Variants in RASSF5 observed in about 807,000 individuals in gnomAD.
RASSF5 encodes the protein ras association domain-containing protein 5.
RASSF5 carries 25 observed loss-of-function variants against 40.5 expected under a neutral mutation model. The observed-to-expected ratio is 0.62, with a 90% CI of 0.45 to 0.86. The LOEUF is 0.86. Ranked by LOEUF, RASSF5 falls within the 40% of genes least tolerant of loss-of-function variation. The pLI, the probability that RASSF5 is intolerant of heterozygous loss-of-function variation, is 0.00. For synonymous variants in RASSF5, 246 were observed against 252.4 expected (o/e 0.97, Z 0.24); for missense variants, 521 against 572.8 (o/e 0.91, Z 0.92).
chr1:206,514,291 G>A (rs1408472935), intron 1 of RASSF5, among the ~76,000 whole-genome samples: 1 of 152,246 alleles, frequency 6.6e-6, no homozygotes, highest in Non-Finnish European at 1.5e-5. Context: ...AATTGTAGCA[G>A]GTTCTAGATT....
At chr1:206,537,296 G>A (rs368844481) in intron 1 of RASSF5, among the ~76,000 whole-genome samples, 1 of 152,178 alleles carries the variant, frequency 6.6e-6, no homozygotes, top group African/African-American at 2.4e-5. Context: ...GATGGAATGT[G>A]CTTCCCCCGC....
intron 1 of RASSF5, among the ~76,000 whole-genome samples, chr1:206,516,949 G>T (rs140817177): frequency 6.6e-6 from 1 of 152,070 alleles, no homozygotes; most frequent in South Asian, 2.1e-4. Context: ...GTCATTTCAG[G>T]ACCCGGACTT....
chr1:206,541,163 G>A (rs562898829), intron 2 of RASSF5, among the ~76,000 whole-genome samples: 10 of 152,326 alleles, frequency 6.6e-5, no homozygotes, highest in African/African-American at 2.4e-4. Flanking sequence ...CCAAAATGCT[G>A]GGATTACAGG....
chr1:206,508,664 C>T (rs1284660946), intron 1 of RASSF5, among the ~76,000 whole-genome samples: 3 of 152,052 alleles, frequency 2.0e-5, no homozygotes, highest in Non-Finnish European at 4.4e-5. Context: ...CCCCCTCCTG[C>T]CTTTCACCTC....
chr1:206,585,276 A>T lies in RASSF5; in HGVS notation c.1085A>T (p.Asn362Ile). The change falls in exon 5 of 6, where the codon AAT (asparagine) becomes ATT (isoleucine). Residue 362 changes from asparagine to isoleucine, a missense_variant. Transcript: ENST00000579436. ...TEVLSFVLKE[N>I]ETGEVEWDAF... The stretch of plus-strand genomic sequence containing the variant: ...GTCCTCAGCTTTGTGCTAAAGGAGA[A>T]TGAAACTGGAGAGGTAGAGGTAGGT... The T allele has an allele frequency of 6.2e-7, 1 of 1,614,104 alleles. No individual in the cohort carries two copies. The highest frequency in any genetic ancestry group is 8.5e-7 in the Non-Finnish European group (1 of 1,179,928).
At chr1:206,529,222 CA>C in intron 1 of RASSF5, 1 of 1,388,384 alleles carries the variant, frequency 7.2e-7, no homozygotes, top group Non-Finnish European at 9.9e-7. Context: ...AGACCAGAAA[CA>C]AAGCAAGAGA....
intron 1 of RASSF5, chr1:206,528,929 G>C: frequency 1.7e-6 from 1 of 604,248 alleles, no homozygotes; most frequent in Non-Finnish European, 2.9e-6. Flanking sequence ...TGAAAGGAAA[G>C]AAGGCCAAGG....
rs1666508722 is a variant in RASSF5, at chr1:206,508,006, G to A, written c.404G>A (p.Gly135Asp). 6.7e-7 allele frequency: 1 copy of A among 1,502,042 alleles called. No homozygotes were observed. The allele number at this position is 1,502,042 out of a possible 1,614,324, so 93.0% of individuals were successfully genotyped here. A position where few individuals can be genotyped will look rare whatever the true frequency, so the allele number is the denominator to read the frequency against. The change falls in exon 1 of 6, where the codon GGC (glycine) becomes GAC (aspartate). Residue 135 changes from glycine to aspartate, a missense_variant. Around this residue, in one of 2 missense-constraint regions of RASSF5, gnomAD observed 284 missense variants for 360.8 expected, o/e 0.79. Transcript: ENST00000579436. ...FAELVLPGGP[G>D]WCDLCGREVL... ...GAGTTGGTGCTGCCGGGCGGCCCCG[G>A]CTGGTGTGACCTGTGCGGACGAGAG...
At chr1:206,526,136 C>G (rs7546609) in intron 1 of RASSF5, among the ~76,000 whole-genome samples, 3,981 of 152,300 alleles carry the variant, frequency 0.026, 172 homozygotes, top group African/African-American at 0.091. Flanking sequence ...ACAGAGACGA[C>G]AGCCCCTGTG....
intron 1 of RASSF5, among the ~76,000 whole-genome samples, chr1:206,525,648 TG>T (rs1468085038): frequency 6.6e-6 from 1 of 152,224 alleles, no homozygotes; most frequent in African/African-American, 2.4e-5. Flanking sequence ...TTAATTGTTT[TG>T]TTATGTTGCC....
rs1162174771 is a variant in RASSF5 at position 206,573,497 on chromosome 1, C to T, written c.580-9772C>T. On this transcript the variant is annotated intron_variant, in intron 2 of 5. Transcript: ENST00000579436. ...AGGCACGGGTGCTTCTCTCACGGAA[C>T]TCAGTATAAATGGAAATCCAAGGCT... Among the ~76,000 whole-genome samples, 5 of 152,208 alleles carry T rather than the reference C, an allele frequency of 3.3e-5. No homozygotes were observed. In the East Asian group the frequency reaches 9.6e-4, roughly 29 times the overall value.
At chr1:206,533,829 G>A (rs1459862731) in intron 1 of RASSF5, among the ~76,000 whole-genome samples, 1 of 152,094 alleles carries the variant, frequency 6.6e-6, no homozygotes, top group Non-Finnish European at 1.5e-5. Context: ...GTAGTTGCAG[G>A]TGTCATTAAG....
At chr1:206,586,688 G>C (rs923691645) in intron 5 of RASSF5, 138 bp from the exon 6 acceptor site, 1 of 712,314 alleles carries the variant, frequency 1.4e-6, no homozygotes, top group East Asian at 2.5e-5. Context: ...CGCTGATTCA[G>C]TCTGTTCAGT....
intron 1 of RASSF5, among the ~76,000 whole-genome samples, chr1:206,521,006 A>T (rs1395127774): frequency 1.3e-5 from 2 of 152,212 alleles, no homozygotes; most frequent in Non-Finnish European, 2.9e-5. Context: ...AGGTAAAAGT[A>T]GAGGAGAGAC....
intron 2 of RASSF5, among the ~76,000 whole-genome samples, chr1:206,565,488 CTT>C (rs1330290159): frequency 1.3e-5 from 2 of 152,206 alleles, no homozygotes; most frequent in African/African-American, 2.4e-5. Flanking sequence ...GTGTTTTTAA[CTT>C]TCCTATAGCA....
Position 206,584,843 on chromosome 1 carries a change from A to G in RASSF5, c.988+159A>G, listed in dbSNP as rs893304097. On this transcript the variant is annotated intron_variant, in intron 4 of 5. Transcript: ENST00000579436. The surrounding 1 kb of genome is among the most constrained non-coding windows in gnomAD (Gnocchi z 4.9). ...GTGTTCAGATCTGTGGAATCCGGGC[A>G]GGGAGGCAAGAGCAGAGTCCCTGAC... 1.7e-5 allele frequency: 13 copies of G among 754,880 alleles called. No individual in the cohort carries two copies. Among genetic ancestry groups the G allele is most frequent in the Non-Finnish European group, 2.8e-5 (13 of 470,836 alleles). 46.8% of individuals were successfully genotyped at this position (754,880 alleles called of 1,614,324 possible).
chr1:206,583,502 T>G, intron 3 of RASSF5, 123 bp downstream of exon 3: 1 of 693,698 alleles, frequency 1.4e-6, no homozygotes, highest in South Asian at 1.6e-5. Flanking sequence ...TCCTCCGGCC[T>G]CCAGAGGCCT....
At chr1:206,523,543 T>C (rs1402509855) in intron 1 of RASSF5, among the ~76,000 whole-genome samples, 22 of 94,496 alleles carry the variant, frequency 2.3e-4, no homozygotes, top group African/African-American at 8.7e-4. Context: ...ATTATATATA[T>C]AAATATATAT....
chr1:206,536,463 C>T (rs1553398702), intron 1 of RASSF5, among the ~76,000 whole-genome samples: 1 of 151,946 alleles, frequency 6.6e-6, no homozygotes, highest in African/African-American at 2.4e-5. Flanking sequence ...GGGTGCTCCC[C>T]TATGGACATT....
Sources: allele counts gnomAD v4.1 joint callset (sites outside exome capture counted in the v4.1 genomes callset), GRCh38; gene constraint gnomAD v4.1.1; regional missense constraint gnomAD v4.1.1; non-coding constraint Gnocchi (gnomAD v3.1); transcripts MANE v1.5; gene names NCBI Gene and HGNC (gene_info 2026-07-23, HGNC 2026-07-21).